The following GPC5 variants were observed in gnomAD, a reference collection of about 807,000 sequenced individuals.
GPC5 encodes glypican 5.
GPC5 carries 47 observed loss-of-function variants against 53.9 expected under a neutral mutation model. The observed-to-expected ratio is 0.87, with a 90% CI of 0.69 to 1.11. GPC5 has a LOEUF of 1.11. Among genes scored for constraint, GPC5 ranks in the 50% most tolerant of loss-of-function variants. The pLI is 0.00. For missense variants in GPC5, 748 were observed against 713.1 expected (o/e 1.05, Z -0.56); for synonymous variants, 286 against 263.3 (o/e 1.09, Z -0.84).
At chr13:91,896,556 C>G (rs1327829553) in intron 5 of GPC5, among the ~76,000 whole-genome samples, 1 of 152,052 alleles carries the variant, frequency 6.6e-6, no homozygotes, top group Non-Finnish European at 1.5e-5. Flanking sequence ...ACGGACCTGG[C>G]AGAAATCATG....
intron 2 of GPC5, among the ~76,000 whole-genome samples, chr13:91,525,000 A>G (rs1002103996): frequency 6.6e-6 from 1 of 152,190 alleles, no homozygotes; most frequent in Non-Finnish European, 1.5e-5. Flanking sequence ...ATGTATGCAA[A>G]TGTTGATATT....
intron 7 of GPC5, among the ~76,000 whole-genome samples, chr13:92,569,507 C>G (rs1289241970): frequency 6.6e-6 from 1 of 152,064 alleles, no homozygotes; most frequent in Non-Finnish European, 1.5e-5. Context: ...CATAGCAACC[C>G]AATCTTTGCC....
At chr13:92,833,220 C>T (rs1878109903) in intron 7 of GPC5, among the ~76,000 whole-genome samples, 1 of 152,178 alleles carries the variant, frequency 6.6e-6, no homozygotes, top group Admixed American at 6.6e-5. Context: ...GGCTAGATTA[C>T]TTACTTATAT....
chr13:92,109,873 A>T (rs1391437211), intron 6 of GPC5, among the ~76,000 whole-genome samples: 2 of 152,164 alleles, frequency 1.3e-5, no homozygotes, highest in Admixed American at 1.3e-4. Context: ...TATGTGGCTT[A>T]TACTATGTTG....
chr13:92,754,331 G>A (rs138907830), intron 7 of GPC5, among the ~76,000 whole-genome samples: 27,580 of 152,090 alleles, frequency 0.18, 2,987 homozygotes, highest in Non-Finnish European at 0.25. Flanking sequence ...TGAAGGAAGC[G>A]CTAAACATGG....
chr13:91,679,674 G>A (rs2035462947), intron 2 of GPC5, among the ~76,000 whole-genome samples: 1 of 152,170 alleles, frequency 6.6e-6, no homozygotes, highest in Admixed American at 6.6e-5. Context: ...ACTTTTAATA[G>A]TAATCACTGT....
At chr13:91,806,510 G>T (rs528708385) in intron 5 of GPC5, among the ~76,000 whole-genome samples, 2 of 151,860 alleles carry the variant, frequency 1.3e-5, no homozygotes, top group Non-Finnish European at 2.9e-5. Flanking sequence ...CATGGCAGGG[G>T]GTGATGCCTC....
intron 7 of GPC5, among the ~76,000 whole-genome samples, chr13:92,161,567 A>C (rs2041988353): frequency 6.6e-6 from 1 of 152,186 alleles, no homozygotes; most frequent in African/African-American, 2.4e-5. Flanking sequence ...TAAAATACAG[A>C]GTAAATTTGA....
chr13:91,763,272 T>TC (rs981766868), intron 5 of GPC5, among the ~76,000 whole-genome samples: 21 of 151,832 alleles, frequency 1.4e-4, no homozygotes, highest in Middle Eastern at 3.2e-3. Flanking sequence ...TGATTTTTTC[T>TC]CCCCCCCGGA....
chr13:92,222,650 G>A (rs1207309992), intron 7 of GPC5, among the ~76,000 whole-genome samples: 1 of 152,100 alleles, frequency 6.6e-6, no homozygotes, highest in Non-Finnish European at 1.5e-5. Flanking sequence ...GGGTGTGTGT[G>A]TGGTTCTTTT....
At chr13:91,443,725 G>A (rs771516942) in intron 1 of GPC5, among the ~76,000 whole-genome samples, 5 of 152,166 alleles carry the variant, frequency 3.3e-5, no homozygotes, top group Non-Finnish European at 5.9e-5. Flanking sequence ...CTGGTTAGTC[G>A]TTGTTTTGGG....
intron 6 of GPC5, among the ~76,000 whole-genome samples, chr13:91,971,315 C>A (rs1009013933): frequency 3.3e-5 from 5 of 151,590 alleles, no homozygotes; most frequent in African/African-American, 7.3e-5. Flanking sequence ...TGGTGATATC[C>A]CCTTTATCAT....
chr13:92,441,316 G>T (rs1877549385), intron 7 of GPC5, among the ~76,000 whole-genome samples: 1 of 152,326 alleles, frequency 6.6e-6, no homozygotes, highest in South Asian at 2.1e-4. Flanking sequence ...TGATCTGCCT[G>T]TCTGGGCCTC....
chr13:92,343,044 A>G (rs914732605), intron 7 of GPC5, among the ~76,000 whole-genome samples: 1 of 152,212 alleles, frequency 6.6e-6, no homozygotes, highest in Non-Finnish European at 1.5e-5. Flanking sequence ...TAAATAGATA[A>G]TACATGAAAC....
chr13:92,311,886 G>A (rs568212585), intron 7 of GPC5, among the ~76,000 whole-genome samples: 2 of 152,100 alleles, frequency 1.3e-5, no homozygotes, highest in African/African-American at 2.4e-5. Flanking sequence ...AATGAAAATG[G>A]CGTAAGGTGA....
At chr13:91,508,190 C>T (rs1359672167) in intron 2 of GPC5, among the ~76,000 whole-genome samples, 2 of 152,092 alleles carry the variant, frequency 1.3e-5, no homozygotes, top group African/African-American at 4.8e-5. Flanking sequence ...GGAATCATGG[C>T]TTTAGCTAAC....
At chr13:92,643,682 T>A (rs576490843) in intron 7 of GPC5, among the ~76,000 whole-genome samples, 1 of 143,710 alleles carries the variant, frequency 7.0e-6, no homozygotes, top group Non-Finnish European at 1.5e-5. Flanking sequence ...AACAATGAGA[T>A]CACATGGACA....
chr13:92,006,520 G>T (rs777990436), intron 6 of GPC5, among the ~76,000 whole-genome samples: 1 of 152,144 alleles, frequency 6.6e-6, no homozygotes, highest in Non-Finnish European at 1.5e-5. Flanking sequence ...GCACAAAAGT[G>T]CCTTCCTACT....
chr13:92,546,814 A>G (rs1258300972), intron 7 of GPC5, among the ~76,000 whole-genome samples: 1 of 152,198 alleles, frequency 6.6e-6, no homozygotes, highest in Non-Finnish European at 1.5e-5. Context: ...TGCTACCAAA[A>G]CAGAGATATA....
Sources: allele counts gnomAD v4.1 joint callset (sites outside exome capture counted in the v4.1 genomes callset), GRCh38; gene constraint gnomAD v4.1.1; transcripts MANE v1.5; gene names NCBI Gene and HGNC (gene_info 2026-07-23, HGNC 2026-07-21).